SLC28A1: variants seen among roughly 807,000 people sequenced by gnomAD.
SLC28A1 encodes sodium/nucleoside cotransporter 1.
Under a neutral mutation model 74.8 loss-of-function variants are expected in SLC28A1, and 64 were observed. The observed-to-expected ratio is 0.86, with a 90% CI of 0.70 to 1.05. The LOEUF (loss-of-function observed/expected upper bound fraction) is 1.05, where lower values mean the gene tolerates loss of function less well. SLC28A1 is among the 50% of genes least tolerant of loss of function. SLC28A1 has a pLI of 0.00. For synonymous variants in SLC28A1, 359 were observed against 335.0 expected (o/e 1.07, Z -0.78); for missense variants, 828 against 822.8 (o/e 1.01, Z -0.08).
the SLC28A1 span, among the ~76,000 whole-genome samples, chr15:84,952,938 A>G: frequency 6.6e-6 from 1 of 152,208 alleles, no homozygotes; most frequent in Non-Finnish European, 1.5e-5. Flanking sequence ...TAAACAAAAG[A>G]TTGCTTTTAT....
At chr15:84,927,371 C>T (rs1214485772) in intron 12 of SLC28A1, among the ~76,000 whole-genome samples, 1 of 152,174 alleles carries the variant, frequency 6.6e-6, no homozygotes, top group African/African-American at 2.4e-5. Flanking sequence ...CATTTTTACG[C>T]TCAGGTTCAA....
intron 9 of SLC28A1, among the ~76,000 whole-genome samples, chr15:84,915,454 TA>T (rs1208179379): frequency 6.6e-6 from 1 of 152,184 alleles, no homozygotes; most frequent in Non-Finnish European, 1.5e-5. Context: ...CCTTAAAAAA[TA>T]AAAGCAGCCC....
chr15:84,921,028 A>T lies in SLC28A1; in HGVS notation c.916A>T (p.Thr306Ser). 1.2e-6 allele frequency: 2 copies of T among 1,614,114 alleles called. No homozygotes were observed. Among genetic ancestry groups the T allele is most frequent in the Non-Finnish European group, 1.7e-6 (2 of 1,179,980 alleles). ...GCAAGTCACCATGGGCACCACAGCC[A>T]CTGAGACCCTGAGTGTGGCTGGAAA... ...LMQVTMGTTA[T>S]ETLSVAGNIF... Residue 306 changes from threonine (T) to serine (S), a missense_variant, in exon 11 of 19, where the codon ACT becomes TCT. Physicochemically the swap from Thr to Ser is moderately conservative, Grantham distance 58. Around this residue, in one of 3 missense-constraint regions of SLC28A1, gnomAD observed 767 missense variants for 753.5 expected, o/e 1.02. Transcript: ENST00000394573.
At chr15:84,886,909 C>G in intron 2 of SLC28A1, 122 bp downstream of exon 2, 1 of 409,640 alleles carries the variant, frequency 2.4e-6, no homozygotes, top group Non-Finnish European at 3.3e-6. Flanking sequence ...GTATGTCAGC[C>G]TAACTGGGCT....
At chr15:84,932,616 G>T (rs573577841) in intron 12 of SLC28A1, among the ~76,000 whole-genome samples, 2 of 152,176 alleles carry the variant, frequency 1.3e-5, no homozygotes, top group African/African-American at 2.4e-5. Flanking sequence ...ACCTTCCTAC[G>T]CTAGTACATA....
chr15:84,885,249 G>A (rs1250611411), intron 1 of SLC28A1, among the ~76,000 whole-genome samples: 2 of 149,972 alleles, frequency 1.3e-5, no homozygotes, highest in East Asian at 2.0e-4. Context: ...ATGAGCCACC[G>A]TGCCCCCCCT....
At chr15:84,889,432 C>A in intron 4 of SLC28A1, among the ~76,000 whole-genome samples, 1 of 152,052 alleles carries the variant, frequency 6.6e-6, no homozygotes. Context: ...CGTCTCTCTG[C>A]CTGGGCAGGG....
chr15:84,928,564 T>C (rs796696498), intron 12 of SLC28A1, among the ~76,000 whole-genome samples: 230 of 16,066 alleles, frequency 0.014, 4 homozygotes, highest in East Asian at 0.047. Flanking sequence ...CTTTCTTTCT[T>C]TCTTTCTTTC....
chr15:84,970,041 C>G, the SLC28A1 span, among the ~76,000 whole-genome samples: 1 of 152,186 alleles, frequency 6.6e-6, no homozygotes, highest in African/African-American at 2.4e-5. Context: ...CACCAAGTAG[C>G]AAAGAGTTCA....
intron 9 of SLC28A1, among the ~76,000 whole-genome samples, chr15:84,915,254 C>G (rs1438199216): frequency 1.3e-5 from 2 of 152,188 alleles, no homozygotes; most frequent in Non-Finnish European, 2.9e-5. Context: ...AAGTTGGTGA[C>G]AGATGACAGC....
chr15:84,937,204 C>G (rs1343400413), intron 15 of SLC28A1, among the ~76,000 whole-genome samples: 1 of 151,760 alleles, frequency 6.6e-6, no homozygotes, highest in Non-Finnish European at 1.5e-5. Flanking sequence ...AACATATTTA[C>G]CCAATCCCCT....
At chr15:84,923,920 T>A in intron 11 of SLC28A1, 65 bp from the exon 12 acceptor site, 1 of 1,608,918 alleles carries the variant, frequency 6.2e-7, no homozygotes, top group Non-Finnish European at 8.5e-7. Flanking sequence ...CACTGTGACC[T>A]GTGAAGGGAG....
chr15:84,965,491 C>G, the SLC28A1 span, among the ~76,000 whole-genome samples: 912 of 152,248 alleles, frequency 6.0e-3, 9 homozygotes, highest in African/African-American at 0.021. Context: ...GCCATTTTCC[C>G]TTCTTTTCTT....
At chr15:84,917,160 T>A (rs995498689) in intron 9 of SLC28A1, among the ~76,000 whole-genome samples, 3 of 152,124 alleles carry the variant, frequency 2.0e-5, no homozygotes, top group African/African-American at 7.2e-5. Flanking sequence ...CTTCTTTCTA[T>A]AATTTTAATA....
Position 84,904,026 on chromosome 15 carries a change from G to A in SLC28A1, c.462-71G>A, listed in dbSNP as rs1233129229. ...CTGAGCACCCTTTCTCTGGGTCCCC[G>A]GGTGCTATTGTGTGTGGGTGGGGTG... On this transcript the variant is annotated intron_variant, in intron 6 of 18. Coordinates refer to ENST00000394573, the MANE Select transcript of SLC28A1 (RefSeq NM_004213.5). 1.4e-5 allele frequency: 22 copies of A among 1,604,504 alleles called. No homozygotes were observed. The Admixed American group carries it at 2.2e-4, about 16-fold the overall frequency.
intron 16 of SLC28A1, among the ~76,000 whole-genome samples, chr15:84,944,064 A>G (rs891226373): frequency 4.6e-5 from 7 of 152,180 alleles, no homozygotes; most frequent in African/African-American, 1.2e-4. Context: ...CCTGTCCCCA[A>G]GGCTTTGGCC....
At position 84,895,305 on chromosome 15, in the gene SLC28A1, C is replaced by T; in HGVS notation, c.461+182C>T. 5 of 1,601,824 alleles carry T rather than the reference C, an allele frequency of 3.1e-6. No individual in the cohort carries two copies. The Admixed American group carries it at 8.3e-5, about 27-fold the overall frequency. On this transcript the variant is annotated intron_variant, in intron 6 of 18. Coordinates refer to ENST00000394573, the MANE Select transcript of SLC28A1 (RefSeq NM_004213.5). ...AAAGCAGCATCTTTGTGGTGTTTCA[C>T]CAGTTCTTAGTCCCAGTTACAGCAG...
chr15:84,948,829 C>T (rs1362398467), downstream of SLC28A1, among the ~76,000 whole-genome samples: 5 of 152,156 alleles, frequency 3.3e-5, no homozygotes, highest in African/African-American at 7.2e-5. Context: ...CCTCACGCCT[C>T]TCATTGCTAC....
chr15:84,886,202 A>T (rs1205583346), intron 1 of SLC28A1: 1 of 985,206 alleles, frequency 1.0e-6, no homozygotes, highest in East Asian at 1.1e-4. Flanking sequence ...GACAGACCTG[A>T]AACACTTTTA....
Sources: allele counts gnomAD v4.1 joint callset (sites outside exome capture counted in the v4.1 genomes callset), GRCh38; gene constraint gnomAD v4.1.1; regional missense constraint gnomAD v4.1.1; transcripts MANE v1.5; gene names NCBI Gene and HGNC (gene_info 2026-07-23, HGNC 2026-07-21).